The following MRPS18A variants were observed in gnomAD, a reference collection of about 807,000 sequenced individuals.
MRPS18A encodes the protein mitochondrial ribosomal protein S18A.
MRPS18A carries 20 observed loss-of-function variants against 22.7 expected under a neutral mutation model. The ratio of observed to expected loss-of-function variants is 0.88; its 90% CI spans 0.62 to 1.28. MRPS18A has a LOEUF of 1.28. Among genes scored for constraint, MRPS18A ranks in the 50% most tolerant of loss-of-function variants. MRPS18A has a pLI of 0.00. For missense variants in MRPS18A, 294 were observed against 262.6 expected (o/e 1.12, Z -0.83); for synonymous variants, 106 against 99.1 (o/e 1.07, Z -0.41).
At position 43,675,251 on chromosome 6, in the gene MRPS18A, G is replaced by C. The variant is rs1159101119; in HGVS notation, c.397C>G (p.Pro133Ala). 6.6e-7 allele frequency: 1 copy of C among 1,526,492 alleles called. No individual in the cohort carries two copies. The highest frequency in any genetic ancestry group is 8.8e-7 in the Non-Finnish European group (1 of 1,138,312). The allele number at this position is 1,526,492 out of a possible 1,614,324, so 94.6% of individuals were successfully genotyped here. A position where few individuals can be genotyped will look rare whatever the true frequency, so the allele number is the denominator to read the frequency against. The change falls in exon 5 of 6, where the codon CCT (proline) becomes GCT (alanine). Residue 133 changes from proline (P) to alanine (A), a missense_variant. Coordinates refer to ENST00000372133, the MANE Select transcript of MRPS18A (RefSeq NM_018135.4). ...GGAACAACTCCTTCAGGAAGCCGAGGCCTGTGATTTGGTAATAGACCTGAG... is the reference window on the plus strand; with the variant it reads ...GGAACAACTCCTTCAGGAAGCCGAGCCCTGTGATTTGGTAATAGACCTGAG... ...HRAGLLPNHR[P>A]RLPEGVVPKS...
intron 2 of MRPS18A, among the ~76,000 whole-genome samples, chr6:43,679,054 A>G (rs1774236641): frequency 6.6e-6 from 1 of 152,158 alleles, no homozygotes; most frequent in African/African-American, 2.4e-5. Flanking sequence ...AGTCCAAAGA[A>G]AGCCTCCCTC....
intron 3 of MRPS18A, 130 bp downstream of exon 3, chr6:43,678,388 A>C: frequency 1.4e-6 from 1 of 698,490 alleles, no homozygotes; most frequent in Non-Finnish European, 2.5e-6. Context: ...CAACTGGACA[A>C]AATGCTCCCA....
chr6:43,680,777 C>T (rs1017680361), intron 2 of MRPS18A, among the ~76,000 whole-genome samples: 1 of 152,176 alleles, frequency 6.6e-6, no homozygotes, highest in African/African-American at 2.4e-5. Context: ...TGCAACAATG[C>T]CTTAGTTTCC....
intron 5 of MRPS18A, 141 bp downstream of exon 5, chr6:43,675,061 C>G (rs966687757): frequency 1.4e-5 from 10 of 705,254 alleles, no homozygotes; most frequent in Non-Finnish European, 2.0e-5. Context: ...AAGAAGGCAA[C>G]AGAAGAAGCG....
intron 1 of MRPS18A, among the ~76,000 whole-genome samples, chr6:43,686,112 A>G (rs1032270182): frequency 6.6e-6 from 1 of 152,258 alleles, no homozygotes; most frequent in African/African-American, 2.4e-5. Context: ...CTTACAGTCC[A>G]TCATTTCACA....
At chr6:43,681,720 G>A (rs1341851354) in intron 1 of MRPS18A, among the ~76,000 whole-genome samples, 2 of 152,226 alleles carry the variant, frequency 1.3e-5, no homozygotes, top group Non-Finnish European at 2.9e-5. Context: ...ATACTGGAGA[G>A]TGTTGATGGA....
At position 43,687,767 on chromosome 6, in the gene MRPS18A, T is replaced by G. The variant is rs149209493; in HGVS notation, c.13A>C (p.Lys5Gln). Reference protein sequence around the residue: MAALKALVSGCGRLL... With the variant: MAALQALVSGCGRLL... ...CGCCCACAGCCGGACACCAGAGCCT[T>G]GAGGGCCGCCATCTTCAAAAACCTA... is the stretch of plus-strand genomic sequence containing the variant. The change falls in exon 1 of 6, where the codon AAG becomes CAG. Residue 5 changes from lysine to glutamine, a missense_variant. By Grantham distance (53) the Lys-to-Gln change is moderately conservative (BLOSUM62 1). Transcript: ENST00000372133. The G allele has an allele frequency of 7.0e-6, 11 of 1,576,732 alleles. No homozygotes were observed. Among genetic ancestry groups the G allele is most frequent in the African/African-American group, 2.7e-5 (2 of 74,274 alleles).
chr6:43,671,633 AT>A lies in MRPS18A; in HGVS notation c.*128del, dbSNP rs139322069. On this transcript the variant is annotated 3_prime_UTR_variant, in exon 6 of 6. Coordinates refer to ENST00000372133, the MANE Select transcript of MRPS18A (RefSeq NM_018135.4). The stretch of plus-strand genomic sequence containing the variant: ...AAGTTAGTCCCACTGTCCCCTGTCC[AT>A]GCATGTTGGAGGGACCAGGCCATCG... The A allele has an allele frequency of 1.1e-3, 1,147 of 1,072,828 alleles. 8 individuals carry two copies. In the African/African-American group the frequency reaches 0.015, roughly 14 times the overall value. The allele number at this position is 1,072,828 out of a possible 1,614,324, so 66.5% of individuals were successfully genotyped here.
Position 43,678,597 on chromosome 6 carries a change from T to C in MRPS18A, c.173A>G (p.Lys58Arg), listed in dbSNP as rs1333471284. The change falls in exon 3 of 6, where the codon AAG (lysine) becomes AGG (arginine). Residue 58 changes from lysine to arginine, a missense_variant. Transcript: ENST00000372133. Reference protein sequence around the residue: ...IIEGRITATPKESPNPPNPSG... With the variant: ...IIEGRITATPRESPNPPNPSG... The stretch of plus-strand genomic sequence containing the variant: ...GGGGTTAGGAGGATTTGGACTCTCC[T>C]TGGGAGTCGCTGTGATACGGCCTTC... 13 of 1,613,636 alleles carry C rather than the reference T, an allele frequency of 8.1e-6. No individual in the cohort carries two copies. Among genetic ancestry groups the C allele is most frequent in the Non-Finnish European group, 1.1e-5 (13 of 1,179,760 alleles).
chr6:43,672,169 G>A (rs1358832895), intron 5 of MRPS18A: 7 of 551,656 alleles, frequency 1.3e-5, no homozygotes, highest in Middle Eastern at 4.7e-4. Context: ...CTTTGTAAAT[G>A]TCAATGTTGG....
intron 1 of MRPS18A, among the ~76,000 whole-genome samples, chr6:43,682,030 A>G (rs1253513531): frequency 6.6e-6 from 1 of 152,252 alleles, no homozygotes; most frequent in Non-Finnish European, 1.5e-5. Context: ...GACTGGGTAC[A>G]GTGGCTCACG....
chr6:43,676,799 T>TA (rs1774078696), intron 3 of MRPS18A, among the ~76,000 whole-genome samples: 1 of 152,260 alleles, frequency 6.6e-6, no homozygotes, highest in Non-Finnish European at 1.5e-5. Flanking sequence ...CCTTGCTGCA[T>TA]AACTGCAGAT....
chr6:43,678,996 A>C (rs907469904), intron 2 of MRPS18A, among the ~76,000 whole-genome samples: 2 of 152,220 alleles, frequency 1.3e-5, no homozygotes, highest in Non-Finnish European at 2.9e-5. Context: ...TTTGGGGGAA[A>C]GTAATACATG....
chr6:43,671,355 C>T lies in MRPS18A; in HGVS notation c.*407G>A, dbSNP rs1773686062. The stretch of plus-strand genomic sequence containing the variant: ...CCCATGAATTCAATTGACTCATTGG[C>T]CCCATCACAAGAGATCAGTGACTCA... On this transcript the variant is annotated 3_prime_UTR_variant, in exon 6 of 6. Transcript: ENST00000372133. 2.5e-6 allele frequency: 1 copy of T among 399,622 alleles called. No homozygotes were observed. Among genetic ancestry groups the T allele is most frequent in the East Asian group, 5.3e-5 (1 of 18,922 alleles). 24.8% of individuals were successfully genotyped at this position (399,622 alleles called of 1,614,324 possible). A position where few individuals can be genotyped will look rare whatever the true frequency, so the allele number is the denominator to read the frequency against.
chr6:43,686,328 A>G (rs973324266), intron 1 of MRPS18A, among the ~76,000 whole-genome samples: 1 of 151,550 alleles, frequency 6.6e-6, no homozygotes, highest in African/African-American at 2.4e-5. Flanking sequence ...CAGCATGGGA[A>G]CAAATGAAAC....
intron 5 of MRPS18A, among the ~76,000 whole-genome samples, chr6:43,672,963 A>C (rs1393428492): frequency 6.7e-6 from 1 of 148,354 alleles, no homozygotes; most frequent in Non-Finnish European, 1.5e-5. Context: ...GATGACTGTG[A>C]AGGAGGCTAG....
At chr6:43,685,874 T>C (rs1237091931) in intron 1 of MRPS18A, among the ~76,000 whole-genome samples, 1 of 152,246 alleles carries the variant, frequency 6.6e-6, no homozygotes, top group African/African-American at 2.4e-5. Flanking sequence ...CTTAAGAATA[T>C]AGAATATGGT....
At chr6:43,678,472 G>T in intron 3 of MRPS18A, 46 bp downstream of exon 3, 2 of 1,417,820 alleles carry the variant, frequency 1.4e-6, no homozygotes, top group South Asian at 1.2e-5. Flanking sequence ...GGGAATCTGA[G>T]AACTTCATGA....
Position 43,671,541 on chromosome 6 carries a change from C to T in MRPS18A, c.*221G>A, listed in dbSNP as rs1284364414. 2 of 591,816 alleles carry T rather than the reference C, an allele frequency of 3.4e-6. No homozygotes were observed. Among genetic ancestry groups the T allele is most frequent in the South Asian group, 2.0e-5 (1 of 50,542 alleles). 36.7% of individuals were successfully genotyped at this position (591,816 alleles called of 1,614,324 possible). The stretch of plus-strand genomic sequence containing the variant: ...ATGGCCTAAGCCCCATAGCAGCTGG[C>T]AAGGGACCCAACTGCCCTGCCTGCC... On this transcript the variant is annotated 3_prime_UTR_variant, in exon 6 of 6. Coordinates refer to ENST00000372133, the MANE Select transcript of MRPS18A (RefSeq NM_018135.4).
Sources: allele counts gnomAD v4.1 joint callset (sites outside exome capture counted in the v4.1 genomes callset), GRCh38; gene constraint gnomAD v4.1.1; transcripts MANE v1.5; gene names NCBI Gene and HGNC (gene_info 2026-07-23, HGNC 2026-07-21).